Variants in SIRT1 observed in about 807,000 individuals in gnomAD.
SIRT1 encodes the protein sirtuin 1.
In SIRT1, 24 loss-of-function variants were observed where a neutral mutation model predicts 67.9. The observed-to-expected ratio is 0.35, with a 90% CI of 0.26 to 0.50. SIRT1 has a LOEUF of 0.50. Ranked by LOEUF, SIRT1 falls within the 20% of genes least tolerant of loss-of-function variation. The probability of loss-of-function intolerance (pLI) is 0.98; values close to 1 mark genes in which losing one functional copy is unlikely to be tolerated. For synonymous variants in SIRT1, 378 were observed against 350.7 expected, an observed-to-expected ratio of 1.08 and a Z score of -0.87; for missense variants, 873 against 937.2, an observed-to-expected ratio of 0.93 and a Z score of 0.89.
chr10:67,897,386 T>A (rs146728922), intron 4 of SIRT1, among the ~76,000 whole-genome samples: 3,280 of 151,466 alleles, frequency 0.022, 53 homozygotes, highest in Non-Finnish European at 0.033. Flanking sequence ...CCTCCCAGGT[T>A]CAAGCAATCT....
At chr10:67,905,713 T>C (rs1842811714) in intron 4 of SIRT1, among the ~76,000 whole-genome samples, 1 of 152,258 alleles carries the variant, frequency 6.6e-6, no homozygotes, top group Non-Finnish European at 1.5e-5. Flanking sequence ...TGGACATCTC[T>C]ATATACATAT....
Position 67,916,349 on chromosome 10 carries a change from C to T in SIRT1, c.2000C>T (p.Ser667Phe), listed in dbSNP as rs780449017. The T allele has an allele frequency of 8.7e-6, 14 of 1,614,176 alleles. No individual in the cohort carries two copies. Among genetic ancestry groups the T allele is most frequent in the East Asian group, 2.2e-5 (1 of 44,880 alleles). ...VYSDSEDDVL[S>F]SSSCGSNSDS... ...TCAGACTCTGAAGATGACGTCTTAT[C>T]CTCTAGTTCTTGTGGCAGTAACAGT... The change falls in exon 9 of 9, where the codon TCC (serine) becomes TTC (phenylalanine). Residue 667 changes from serine to phenylalanine, a missense_variant. Coordinates refer to ENST00000212015, the MANE Select transcript of SIRT1 (RefSeq NM_012238.5).
intron 3 of SIRT1, 67 bp downstream of exon 3, chr10:67,889,190 AT>A: frequency 6.8e-7 from 1 of 1,481,286 alleles, no homozygotes; most frequent in Non-Finnish European, 9.0e-7. Flanking sequence ...AGTAGGAAAC[AT>A]TTTTCTGGTT....
At chr10:67,906,993 T>TC (rs369552743) in intron 5 of SIRT1, 56 bp downstream of exon 5, 6 of 1,439,750 alleles carry the variant, frequency 4.2e-6, no homozygotes, top group Non-Finnish European at 4.6e-6. Flanking sequence ...TAGGAAGATA[T>TC]TTCCTATAAA....
At chr10:67,894,888 C>T (rs1398349271) in intron 4 of SIRT1, among the ~76,000 whole-genome samples, 1 of 151,966 alleles carries the variant, frequency 6.6e-6, no homozygotes, top group Non-Finnish European at 1.5e-5. Flanking sequence ...TTAGTAGAGA[C>T]GGGGTTTCAC....
chr10:67,901,726 T>TA (rs2131870945), intron 4 of SIRT1, among the ~76,000 whole-genome samples: 1 of 152,380 alleles, frequency 6.6e-6, no homozygotes, highest in South Asian at 2.1e-4. Context: ...GTTAGGTTAA[T>TA]ACAGGGGTTG....
At chr10:67,892,854 G>A (rs1024448299) in intron 4 of SIRT1, among the ~76,000 whole-genome samples, 18 of 152,120 alleles carry the variant, frequency 1.2e-4, no homozygotes, top group South Asian at 4.1e-4. Flanking sequence ...CACCCTCCTC[G>A]GCCTCCCAAG....
intron 4 of SIRT1, among the ~76,000 whole-genome samples, chr10:67,900,157 A>T (rs888460692): frequency 2.6e-5 from 4 of 152,086 alleles, no homozygotes; most frequent in African/African-American, 4.8e-5. Flanking sequence ...TTATTTATTT[A>T]TTTTTTGAGA....
At position 67,884,793 on chromosome 10, in the gene SIRT1, C is replaced by T; in HGVS notation, c.72C>T (p.Ala24=). ...SPSAAGADRE[A]ASSPAGEPLR... ...CGGCGGCGGGGGCCGACAGGGAGGC[C>T]GCGTCGTCCCCCGCCGGGGAGCCGC... The change falls in exon 1 of 9, where the codon GCC becomes GCT. Residue 24 remains alanine (A), a synonymous_variant. Coordinates refer to ENST00000212015, the MANE Select transcript of SIRT1 (RefSeq NM_012238.5). The T allele has an allele frequency of 6.5e-6, 8 of 1,223,824 alleles. No homozygotes were observed. Among genetic ancestry groups the T allele is most frequent in the East Asian group, 6.4e-5 (2 of 31,240 alleles). The allele number at this position is 1,223,824 out of a possible 1,614,324, so 75.8% of individuals were successfully genotyped here. A position where few individuals can be genotyped will look rare whatever the true frequency, so the allele number is the denominator to read the frequency against.
At chr10:67,905,625 T>C (rs1325525188) in intron 4 of SIRT1, among the ~76,000 whole-genome samples, 1 of 152,200 alleles carries the variant, frequency 6.6e-6, no homozygotes, top group Non-Finnish European at 1.5e-5. Flanking sequence ...ATTAAACTTT[T>C]TTGTATAATG....
chr10:67,900,513 C>G (rs1464087418), intron 4 of SIRT1, among the ~76,000 whole-genome samples: 2 of 152,154 alleles, frequency 1.3e-5, no homozygotes, highest in African/African-American at 4.8e-5. Context: ...TGTGATCTTA[C>G]AGCTCACTGC....
In SIRT1 at chr10:67,887,617, C is replaced by T. The variant is rs558013648; in HGVS notation, c.547+84C>T. On this transcript the variant is annotated intron_variant, in intron 2 of 8. Transcript: ENST00000212015. ...TTGAGACAGAGTTTCGCTCTTGTTGCGGAGGCTGGAGTGCAATGGCGCGAT... is the reference window on the plus strand; with the variant it reads ...TTGAGACAGAGTTTCGCTCTTGTTGTGGAGGCTGGAGTGCAATGGCGCGAT... 1.3e-4 allele frequency: 117 copies of T among 918,410 alleles called. 5 individuals are homozygous for T. In the South Asian group the frequency reaches 1.5e-3, roughly 12 times the overall value. The allele number at this position is 918,410 out of a possible 1,614,324, so 56.9% of individuals were successfully genotyped here.
chr10:67,891,790 G>C (rs1365450867), intron 4 of SIRT1, among the ~76,000 whole-genome samples: 1 of 152,140 alleles, frequency 6.6e-6, no homozygotes, highest in Non-Finnish European at 1.5e-5. Flanking sequence ...TTTAAAATTT[G>C]CACTGCAGCG....
chr10:67,906,362 T>C, intron 4 of SIRT1: 1 of 1,463,598 alleles, frequency 6.8e-7, no homozygotes, highest in Non-Finnish European at 9.2e-7. Flanking sequence ...AAAAAAATTT[T>C]AAATATTCTT....
chr10:67,899,210 C>G (rs1842704600), intron 4 of SIRT1, among the ~76,000 whole-genome samples: 3 of 151,760 alleles, frequency 2.0e-5, no homozygotes, highest in Non-Finnish European at 4.4e-5. Context: ...GTAATCCGAG[C>G]ACTTTGGGAT....
At chr10:67,895,082 C>G (rs1368109102) in intron 4 of SIRT1, among the ~76,000 whole-genome samples, 1 of 151,682 alleles carries the variant, frequency 6.6e-6, no homozygotes, top group Non-Finnish European at 1.5e-5. Context: ...ACATATAATT[C>G]TTTGTCCATC....
intron 4 of SIRT1, among the ~76,000 whole-genome samples, chr10:67,904,584 G>A (rs35401304): frequency 0.011 from 1,629 of 152,154 alleles, 38 homozygotes; most frequent in African/African-American, 0.037. Flanking sequence ...AGTGGCTCAC[G>A]CCTGTAATCC....
At chr10:67,886,216 C>CCGCCAA in intron 1 of SIRT1, among the ~76,000 whole-genome samples, 1 of 151,834 alleles carries the variant, frequency 6.6e-6, no homozygotes, top group Non-Finnish European at 1.5e-5. Context: ...GCTGGGATTA[C>CCGCCAA]AGGCGTGAGC....
chr10:67,912,910 G>A lies in SIRT1; in HGVS notation c.1794G>A (p.Pro598=), dbSNP rs143664372. The A allele has an allele frequency of 1.8e-5, 29 of 1,613,946 alleles. No individual in the cohort carries two copies. Among genetic ancestry groups the A allele is most frequent in the South Asian group, 2.2e-5 (2 of 91,064 alleles). ...GTATTGCTGAACAGATGGAAAATCC[G>A]GATTTGAAGAATGTTGGTTCTAGTA... The part of the protein sequence containing the change: ...VESIAEQMEN[P]DLKNVGSSTG... Residue 598 remains proline, a synonymous_variant, in exon 8 of 9, where the codon CCG becomes CCA. Transcript: ENST00000212015.
Sources: allele counts gnomAD v4.1 joint callset (sites outside exome capture counted in the v4.1 genomes callset), GRCh38; gene constraint gnomAD v4.1.1; transcripts MANE v1.5; gene names NCBI Gene and HGNC (gene_info 2026-07-23, HGNC 2026-07-21).